The following GOLGA3 variants were observed in gnomAD, a reference collection of about 807,000 sequenced individuals.
The protein encoded by GOLGA3 is golgin A3, also known as golgin subfamily A member 3.
GOLGA3 carries 75 observed loss-of-function variants against 169.4 expected under a neutral mutation model. That is an observed-to-expected ratio of 0.44 (90% CI 0.37 to 0.54). GOLGA3 has a LOEUF of 0.54. Among genes scored for constraint, GOLGA3 ranks in the 20% least tolerant of loss-of-function variants. The pLI, the probability that GOLGA3 is intolerant of heterozygous loss-of-function variation, is 0.00. For missense variants in GOLGA3, 1,899 were observed against 1,930.0 expected (o/e 0.98, Z 0.30); for synonymous variants, 824 against 822.4 (o/e 1.00, Z -0.03).
chr12:132,821,973 C>T (rs773433583), intron 2 of GOLGA3, 23 bp downstream of exon 2: 2 of 1,559,554 alleles, frequency 1.3e-6, no homozygotes, highest in East Asian at 2.4e-5. Context: ...GTGACCAGCA[C>T]ACAGAGGAAC....
Position 132,773,037 on chromosome 12 carries a change from A to G in GOLGA3, c.*68T>C, listed in dbSNP as rs146301338. 438 of 1,146,638 alleles carry G rather than the reference A, an allele frequency of 3.8e-4. 4 individuals carry two copies. The East Asian group carries it at 0.011, about 29-fold the overall frequency. The allele number at this position is 1,146,638 out of a possible 1,614,324, so 71.0% of individuals were successfully genotyped here. The stretch of plus-strand genomic sequence containing the variant: ...CATGTCTTAGAAAAACATCGACCAC[A>G]CAATCAAATAAATAACATTGATAAG... On this transcript the variant is annotated 3_prime_UTR_variant, in exon 24 of 24. Transcript: ENST00000450791.
chr12:132,788,956 G>C, intron 13 of GOLGA3, 71 bp downstream of exon 13: 27 of 493,148 alleles, frequency 5.5e-5, no homozygotes, highest in Non-Finnish European at 6.6e-5. Flanking sequence ...CCCAGACACA[G>C]GCCCCACCCT....
At position 132,807,962 on chromosome 12, in the gene GOLGA3, GGCT is replaced by G; in HGVS notation, c.1104_1106del (p.Ala370del). 6.2e-7 allele frequency: 1 copy of G among 1,613,050 alleles called. No individual in the cohort carries two copies. Among genetic ancestry groups the G allele is most frequent in the South Asian group, 1.1e-5 (1 of 91,020 alleles). ...CCTGCCCCTGGTCTTGGTGCTCAGC[GGCT>G]GCGGCCTGGAGGACGTCCTTAATGG... is the stretch of plus-strand genomic sequence containing the variant. On this transcript the variant is annotated inframe_deletion, in exon 5 of 24. Coordinates refer to ENST00000450791, the MANE Select transcript of GOLGA3 (RefSeq NM_001389683.1).
At position 132,795,907 on chromosome 12, in the gene GOLGA3, T is replaced by G; in HGVS notation, c.2414A>C (p.Glu805Ala). Residue 805 changes from glutamate to alanine, a missense_variant, in exon 11 of 24, where the codon GAA becomes GCA. Physicochemically the swap from Glu to Ala is moderately radical, Grantham distance 107. Transcript: ENST00000450791. Reference protein sequence around the residue: ...GARRLEEGTEETSETLEKLRE... With the variant: ...GARRLEEGTEATSETLEKLRE... ...TAACTTCTCTAAAGTTTCCGACGTT[T>G]CCTCGGTACCTTCTTCCAAGCGTCT... 6.2e-7 allele frequency: 1 copy of G among 1,614,172 alleles called. No individual in the cohort carries two copies. The highest frequency in any genetic ancestry group is 1.6e-4 in the Middle Eastern group (1 of 6,062).
intron 3 of GOLGA3, among the ~76,000 whole-genome samples, chr12:132,815,952 A>G (rs981151234): frequency 6.6e-6 from 1 of 152,140 alleles, no homozygotes; most frequent in Non-Finnish European, 1.5e-5. Flanking sequence ...TAATCCCAAC[A>G]CTTTGGGAGG....
chr12:132,773,870 G>A (rs1260337925), intron 23 of GOLGA3, among the ~76,000 whole-genome samples: 1 of 130,456 alleles, frequency 7.7e-6, no homozygotes, highest in South Asian at 2.5e-4. Context: ...CAGAGGCTGT[G>A]AGTCCCTCCC....
rs2045340238 is a variant in GOLGA3 at position 132,777,885 on chromosome 12, G to A, written c.3583-80C>T. 24 of 1,442,974 alleles carry A rather than the reference G, an allele frequency of 1.7e-5. No homozygotes were observed. In the East Asian group the frequency reaches 2.1e-4, roughly 13 times the overall value. 89.4% of individuals were successfully genotyped at this position (1,442,974 alleles called of 1,614,324 possible). On this transcript the variant is annotated intron_variant, in intron 18 of 23. Coordinates refer to ENST00000450791, the MANE Select transcript of GOLGA3 (RefSeq NM_001389683.1). This position sits in a 1 kb window ranked among gnomAD's most constrained non-coding sequence, Gnocchi z 4.7. ...GACGTGCCGGGCGCAGGGGGTGAAT[G>A]CACTCCCGGCCCCGTGCATGTCCTG...
chr12:132,784,855 CCA>C (rs1555252984), intron 15 of GOLGA3, among the ~76,000 whole-genome samples: 9 of 151,906 alleles, frequency 5.9e-5, no homozygotes, highest in Admixed American at 6.6e-5. Context: ...TGCTCACATC[CCA>C]CACACCATGC....
chr12:132,806,338 G>A (rs1422451061), intron 6 of GOLGA3, among the ~76,000 whole-genome samples: 1 of 152,218 alleles, frequency 6.6e-6, no homozygotes, highest in African/African-American at 2.4e-5. Flanking sequence ...TCCGACGGAG[G>A]GAGGCTCACG....
rs145861065 is a variant in GOLGA3, at chr12:132,826,104, G to A, written c.-184+2699C>T. 17,373 of 1,518,110 alleles carry A rather than the reference G, an allele frequency of 0.011. 1,011 individuals carry two copies. In the Admixed American group the frequency reaches 0.13, roughly 11 times the overall value. 94.0% of individuals were successfully genotyped at this position (1,518,110 alleles called of 1,614,324 possible). A position where few individuals can be genotyped will look rare whatever the true frequency, so the allele number is the denominator to read the frequency against. On this transcript the variant is annotated intron_variant, in intron 1 of 23. Transcript: ENST00000450791. ...ACAGTGGGCGAGTGCCGGCCTTGCCGGCCTCTGAGCAAGACAGTGCACCTC... is the reference window on the plus strand; with the variant it reads ...ACAGTGGGCGAGTGCCGGCCTTGCCAGCCTCTGAGCAAGACAGTGCACCTC...
Position 132,786,674 on chromosome 12 carries a change from C to G in GOLGA3, c.2906+19G>C, listed in dbSNP as rs765286618. The G allele has an allele frequency of 1.3e-6, 2 of 1,583,550 alleles. No homozygotes were observed. Among genetic ancestry groups the G allele is most frequent in the Non-Finnish European group, 8.7e-7 (1 of 1,153,368 alleles). On this transcript the variant is annotated intron_variant, in intron 14 of 23. Transcript: ENST00000450791. Reference sequence around the variant, plus strand: ...TCCCACCTGGCCCCCGCACCTCCCCCGGGCACATGCAGACTTACTTCCGGG... The same window carrying G: ...TCCCACCTGGCCCCCGCACCTCCCCGGGGCACATGCAGACTTACTTCCGGG...
chr12:132,793,775 C>A (rs576360636), intron 11 of GOLGA3, among the ~76,000 whole-genome samples: 1 of 152,160 alleles, frequency 6.6e-6, no homozygotes, highest in Non-Finnish European at 1.5e-5. Flanking sequence ...CGGCACAGGA[C>A]CTGCACTTGG....
chr12:132,818,151 C>A (rs1251640593), intron 2 of GOLGA3, among the ~76,000 whole-genome samples: 3 of 150,118 alleles, frequency 2.0e-5, no homozygotes, highest in African/African-American at 7.3e-5. Flanking sequence ...CTCCACTCCT[C>A]CATGCTCTAA....
At chr12:132,819,442 T>C (rs1228732757) in intron 2 of GOLGA3, among the ~76,000 whole-genome samples, 1 of 151,942 alleles carries the variant, frequency 6.6e-6, no homozygotes, top group Non-Finnish European at 1.5e-5. Context: ...GGCAGAAGAA[T>C]GGCGTGAACC....
intron 12 of GOLGA3, among the ~76,000 whole-genome samples, chr12:132,790,773 C>T (rs890024507): frequency 6.6e-6 from 1 of 151,868 alleles, no homozygotes; most frequent in Non-Finnish European, 1.5e-5. Context: ...GAGGGCCGGG[C>T]GCGGTGACTC....
At position 132,808,031 on chromosome 12, in the gene GOLGA3, G is replaced by A. The variant is rs139919885; in HGVS notation, c.1038C>T (p.Asn346=). The part of the protein sequence containing the change: ...VGTQDTPYMV[N]GQEIPADTLG... ...GGGTATCCGCAGGAATCTCCTGGCC[G>A]TTGACCATATAGGGGGTGTCCTGCG... is the stretch of plus-strand genomic sequence containing the variant. Residue 346 remains asparagine, a synonymous_variant, in exon 5 of 24, where the codon AAC becomes AAT. Transcript: ENST00000450791. 1.7e-4 allele frequency: 267 copies of A among 1,608,722 alleles called. No individual in the cohort carries two copies. Among genetic ancestry groups the A allele is most frequent in the South Asian group, 4.6e-4 (42 of 90,338 alleles).
At position 132,769,956 on chromosome 12, in the gene GOLGA3, C is replaced by T. The variant is rs1205373187; in HGVS notation, c.*3149G>A. 2.0e-5 allele frequency: 3 copies of T among 152,102 alleles called. No homozygotes were observed. Among genetic ancestry groups the T allele is most frequent in the Admixed American group, 6.5e-5 (1 of 15,276 alleles). The allele number at this position is 152,102 out of a possible 1,614,324, so 9.4% of individuals were successfully genotyped here. On this transcript the variant is annotated 3_prime_UTR_variant, in exon 24 of 24. Coordinates refer to ENST00000450791, the MANE Select transcript of GOLGA3 (RefSeq NM_001389683.1). ...AGCAATTTAAAAATCCAACTGCAGC[C>T]GGGGGCGGTGGTTCACGCCTATAAT...
intron 15 of GOLGA3, among the ~76,000 whole-genome samples, chr12:132,785,953 C>T (rs1001683113): frequency 6.6e-6 from 1 of 152,214 alleles, no homozygotes; most frequent in African/African-American, 2.4e-5. Context: ...CATGCCCTCA[C>T]TCCTGCTTCT....
intron 15 of GOLGA3, 77 bp downstream of exon 15, chr12:132,786,262 G>A (rs1189684152): frequency 2.9e-6 from 3 of 1,016,980 alleles, no homozygotes; most frequent in South Asian, 1.6e-5. Flanking sequence ...GGCTTTAGGG[G>A]ACAACTGCTG....
Sources: gnomAD v4.1 joint callset for allele counts (sites outside exome capture counted in the v4.1 genomes callset) on GRCh38, gnomAD v4.1.1 for gene constraint, Gnocchi (gnomAD v3.1) non-coding constraint, MANE v1.5 for transcripts, NCBI Gene and HGNC (gene_info 2026-07-23, HGNC 2026-07-21) for gene names.